The following NRG3 variants were observed in gnomAD, a reference collection of about 807,000 sequenced individuals.
NRG3 encodes the protein pro-neuregulin-3, membrane-bound isoform.
NRG3 carries 31 observed loss-of-function variants against 66.9 expected under a neutral mutation model. The observed-to-expected ratio is 0.46, with a 90% CI of 0.35 to 0.63. The LOEUF is 0.63. Among genes scored for constraint, NRG3 ranks in the 20% least tolerant of loss-of-function variants. The pLI is 0.00. For missense variants in NRG3, 910 were observed against 878.9 expected, an observed-to-expected ratio of 1.04 and a Z score of -0.45; for synonymous variants, 393 against 359.4, an observed-to-expected ratio of 1.09 and a Z score of -1.06.
At chr10:82,829,893 G>A (rs1375992282) in intron 3 of NRG3, among the ~76,000 whole-genome samples, 5 of 152,112 alleles carry the variant, frequency 3.3e-5, no homozygotes, top group Non-Finnish European at 7.3e-5. Flanking sequence ...TATAGGTAAG[G>A]GGTGATCACT....
At chr10:81,945,232 T>C (rs1403303415) in intron 1 of NRG3, among the ~76,000 whole-genome samples, 1 of 152,094 alleles carries the variant, frequency 6.6e-6, no homozygotes, top group Non-Finnish European at 1.5e-5. Context: ...CTGGATCGTA[T>C]AATCTTTACT....
chr10:82,744,224 A>G (rs1034203234), intron 3 of NRG3, among the ~76,000 whole-genome samples: 6 of 152,206 alleles, frequency 3.9e-5, no homozygotes, highest in African/African-American at 1.4e-4. Flanking sequence ...TTGGATCCAA[A>G]TAATAATAAT....
intron 2 of NRG3, among the ~76,000 whole-genome samples, chr10:82,680,746 C>A (rs2054051993): frequency 6.6e-6 from 1 of 152,196 alleles, no homozygotes; most frequent in Non-Finnish European, 1.5e-5. Context: ...AGAGCCATTT[C>A]TTTTGCTGCA....
At chr10:82,757,244 T>G (rs1437606787) in intron 3 of NRG3, among the ~76,000 whole-genome samples, 1 of 152,102 alleles carries the variant, frequency 6.6e-6, no homozygotes, top group Non-Finnish European at 1.5e-5. Context: ...AATCTTTCTA[T>G]GTACTGGAGA....
At chr10:82,293,679 T>C (rs189045871) in intron 1 of NRG3, among the ~76,000 whole-genome samples, 16 of 152,268 alleles carry the variant, frequency 1.1e-4, no homozygotes, top group African/African-American at 3.4e-4. Context: ...TGGTTCCCCA[T>C]CTTACCTTTA....
intron 1 of NRG3, among the ~76,000 whole-genome samples, chr10:81,894,866 C>T (rs949706748): frequency 8.5e-5 from 13 of 152,298 alleles, no homozygotes; most frequent in African/African-American, 3.1e-4. Flanking sequence ...CCAACCACCA[C>T]AAGTCTACTG....
chr10:82,932,323 A>G lies in NRG3; in HGVS notation c.1055-19146A>G, dbSNP rs180816627. 2.0e-4 allele frequency among the ~76,000 whole-genome samples: 31 copies of G among 152,338 alleles called. No individual in the cohort carries two copies. The East Asian group carries it at 5.8e-3, about 28-fold the overall frequency. On this transcript the variant is annotated intron_variant, in intron 4 of 8. Coordinates refer to ENST00000372141, the MANE Select transcript of NRG3 (RefSeq NM_001010848.4). ...AACAGCAACAATACAAATTGAGTAA[A>G]TTCAATTTAGGGTGATTGAGATGTC...
chr10:82,913,200 G>A (rs1459513755), intron 4 of NRG3, among the ~76,000 whole-genome samples: 1 of 152,058 alleles, frequency 6.6e-6, no homozygotes, highest in Non-Finnish European at 1.5e-5. Flanking sequence ...ACTCCAGCCT[G>A]GGTGACAGAG....
intron 1 of NRG3, among the ~76,000 whole-genome samples, chr10:82,126,725 C>T (rs1590207597): frequency 6.6e-6 from 1 of 151,992 alleles, no homozygotes; most frequent in Non-Finnish European, 1.5e-5. Context: ...TTTATTCTGC[C>T]TACTTCATAG....
chr10:82,921,803 C>A (rs998984631), intron 4 of NRG3, among the ~76,000 whole-genome samples: 85 of 152,190 alleles, frequency 5.6e-4, no homozygotes, highest in African/African-American at 1.9e-3. Flanking sequence ...TGCATCCCAA[C>A]ATAATTATTT....
At position 82,800,097 on chromosome 10, in the gene NRG3, C is replaced by T. The variant is rs996812392; in HGVS notation, c.1027+61447C>T. ...TTTGCTTCCTCTTTGGATTTATAGC[C>T]GGTTTCTGACTCTCTTGTGCTTGAA... is the stretch of plus-strand genomic sequence containing the variant. On this transcript the variant is annotated intron_variant, in intron 3 of 8. Transcript: ENST00000372141. Among the ~76,000 whole-genome samples the T allele has an allele frequency of 3.9e-5, 6 of 151,940 alleles. 1 individual carries two copies. The South Asian group carries it at 8.3e-4, about 21-fold the overall frequency.
intron 2 of NRG3, among the ~76,000 whole-genome samples, chr10:82,438,766 G>A (rs1233452495): frequency 1.3e-5 from 2 of 152,052 alleles, no homozygotes; most frequent in African/African-American, 2.4e-5. Flanking sequence ...TCCCTTGGCT[G>A]GGGGGAGGGG....
intron 2 of NRG3, among the ~76,000 whole-genome samples, chr10:82,367,395 G>A (rs1312698024): frequency 6.6e-6 from 1 of 152,034 alleles, no homozygotes; most frequent in Non-Finnish European, 1.5e-5. Flanking sequence ...GAAAATTACT[G>A]GAGTGTTTTT....
At chr10:81,962,421 T>C (rs1462814313) in intron 1 of NRG3, among the ~76,000 whole-genome samples, 1 of 152,184 alleles carries the variant, frequency 6.6e-6, no homozygotes, top group Non-Finnish European at 1.5e-5. Context: ...TGTATGATAG[T>C]AATGTATAGG....
chr10:82,857,448 C>T (rs1264866408), intron 3 of NRG3, among the ~76,000 whole-genome samples: 1 of 152,092 alleles, frequency 6.6e-6, no homozygotes, highest in East Asian at 1.9e-4. Flanking sequence ...TGAGGCTGAC[C>T]ATGGTAATAA....
chr10:82,747,247 T>C (rs2058683434), intron 3 of NRG3, among the ~76,000 whole-genome samples: 1 of 152,022 alleles, frequency 6.6e-6, no homozygotes, highest in African/African-American at 2.4e-5. Flanking sequence ...ATATTCCTTA[T>C]AATATTATAA....
At chr10:81,965,124 A>G (rs543092219) in intron 1 of NRG3, among the ~76,000 whole-genome samples, 1 of 152,348 alleles carries the variant, frequency 6.6e-6, no homozygotes, top group South Asian at 2.1e-4. Context: ...GAATTTCCGG[A>G]AAGTGCTGAA....
At chr10:82,843,640 T>C (rs902799625) in intron 3 of NRG3, among the ~76,000 whole-genome samples, 1 of 152,128 alleles carries the variant, frequency 6.6e-6, no homozygotes, top group Non-Finnish European at 1.5e-5. Flanking sequence ...TAAAGACAGA[T>C]GTTAGGTGAG....
intron 1 of NRG3, among the ~76,000 whole-genome samples, chr10:82,173,834 T>G (rs1263438406): frequency 6.6e-6 from 1 of 152,088 alleles, no homozygotes. Context: ...CTCATTCATG[T>G]AGCCACGGCC....
Sources: gnomAD v4.1 joint callset for allele counts (sites outside exome capture counted in the v4.1 genomes callset) on GRCh38, gnomAD v4.1.1 for gene constraint, MANE v1.5 for transcripts, NCBI Gene and HGNC (gene_info 2026-07-23, HGNC 2026-07-21) for gene names.